Variants in KCNN2 observed in about 807,000 individuals in gnomAD.
KCNN2 encodes the protein small conductance calcium-activated potassium channel protein 2.
In KCNN2, 24 loss-of-function variants were observed where a neutral mutation model predicts 55.5. The observed-to-expected ratio is 0.43, with a 90% CI of 0.31 to 0.61. The LOEUF is 0.61. Ranked by LOEUF, KCNN2 falls within the 20% of genes least tolerant of loss-of-function variation. KCNN2 has a pLI of 0.08. For missense variants in KCNN2, 754 were observed against 853.6 expected (o/e 0.88, Z 1.45); for synonymous variants, 431 against 336.1 (o/e 1.28, Z -3.09).
chr5:114,404,504 A>G lies in KCNN2; in HGVS notation c.1285A>G (p.Ile429Val), dbSNP rs775203798. The G allele has an allele frequency of 6.2e-7, 1 of 1,613,496 alleles. No individual in the cohort carries two copies. Among genetic ancestry groups the G allele is most frequent in the Non-Finnish European group, 8.5e-7 (1 of 1,179,850 alleles). ...CATGACTTATGAGCGTATTTTCTTC[A>G]TCTGCTTGGAAATACTGGTGTGTGC... is the stretch of plus-strand genomic sequence containing the variant. Reference protein sequence around the residue: ...IAMTYERIFFICLEILVCAIH... With the variant: ...IAMTYERIFFVCLEILVCAIH... Residue 429 changes from isoleucine to valine, a missense_variant, in exon 3 of 8, where the codon ATC becomes GTC. This residue lies in a region of KCNN2 where 123 missense variants were observed against 204.9 expected (regional missense o/e 0.60). Coordinates refer to ENST00000673685, the MANE Select transcript of KCNN2 (RefSeq NM_021614.4).
At chr5:114,248,185 A>T (rs1405340348) in intron 2 of KCNN2, among the ~76,000 whole-genome samples, 2 of 152,162 alleles carry the variant, frequency 1.3e-5, no homozygotes, top group African/African-American at 4.8e-5. Context: ...GGAAAGAGGG[A>T]AGTGTATATT....
At chr5:114,249,383 G>A (rs1299994041) in intron 2 of KCNN2, among the ~76,000 whole-genome samples, 1 of 151,320 alleles carries the variant, frequency 6.6e-6, no homozygotes, top group Non-Finnish European at 1.5e-5. Flanking sequence ...CACCTCTCGG[G>A]TTCAAGCCAT....
chr5:114,373,657 T>TATATATATATATATATATAAAA (rs1175218618), intron 2 of KCNN2, among the ~76,000 whole-genome samples: 1 of 117,626 alleles, frequency 8.5e-6, no homozygotes, highest in South Asian at 3.0e-4. Flanking sequence ...TATATATATA[T>TATATATATATATATATATAAAA]AAAATTACTT....
intron 6 of KCNN2, among the ~76,000 whole-genome samples, chr5:114,490,113 C>T (rs763738800): frequency 1.6e-4 from 24 of 152,134 alleles, no homozygotes; most frequent in South Asian, 4.1e-4. Flanking sequence ...TAACTTTTAA[C>T]GCTTTTTCTG....
intron 1 of KCNN2, among the ~76,000 whole-genome samples, chr5:114,163,395 G>T (rs1752837341): frequency 6.6e-6 from 1 of 152,126 alleles, no homozygotes; most frequent in African/African-American, 2.4e-5. Flanking sequence ...TCCAGCTTTT[G>T]TCTATTCAGT....
chr5:114,349,429 A>G (rs1157873394), intron 2 of KCNN2, among the ~76,000 whole-genome samples: 1 of 152,090 alleles, frequency 6.6e-6, no homozygotes, highest in African/African-American at 2.4e-5. Flanking sequence ...TCCATGCACA[A>G]AATTACTTAT....
At chr5:114,302,902 T>G (rs3101078) in intron 2 of KCNN2, among the ~76,000 whole-genome samples, 149,599 of 152,308 alleles carry the variant, frequency 0.98, 73,525 homozygotes, top group Non-Finnish European at 1. Flanking sequence ...AACACAAGCC[T>G]CTATGGAATT....
intron 1 of KCNN2, among the ~76,000 whole-genome samples, chr5:114,206,571 T>C (rs1346170771): frequency 6.6e-6 from 1 of 152,154 alleles, no homozygotes; most frequent in Non-Finnish European, 1.5e-5. Context: ...AATACCTCTT[T>C]TCTCTTCCCA....
At chr5:114,157,149 T>TC (rs893583428) in intron 1 of KCNN2, among the ~76,000 whole-genome samples, 1 of 109,728 alleles carries the variant, frequency 9.1e-6, no homozygotes. Context: ...ATGCTATCCC[T>TC]CCCCCCTCCC....
chr5:114,413,276 T>C (rs1326955267), intron 3 of KCNN2, among the ~76,000 whole-genome samples: 3 of 152,160 alleles, frequency 2.0e-5, no homozygotes, highest in Non-Finnish European at 4.4e-5. Context: ...TTTTGTTTTG[T>C]TTTGTTTTTT....
At chr5:114,244,570 C>A (rs1754714155) in intron 2 of KCNN2, among the ~76,000 whole-genome samples, 1 of 149,482 alleles carries the variant, frequency 6.7e-6, no homozygotes, top group Admixed American at 6.7e-5. Flanking sequence ...GCACTCCAGC[C>A]TGGGCAATAA....
chr5:114,253,210 T>A (rs1754911488), intron 2 of KCNN2, among the ~76,000 whole-genome samples: 1 of 149,254 alleles, frequency 6.7e-6, no homozygotes, highest in African/African-American at 2.5e-5. Context: ...GCAATGGACC[T>A]AGATATTTCT....
chr5:114,210,590 A>G (rs1356934867), intron 1 of KCNN2, among the ~76,000 whole-genome samples: 3 of 152,194 alleles, frequency 2.0e-5, no homozygotes, highest in Non-Finnish European at 4.4e-5. Flanking sequence ...CATTGTGATT[A>G]TATGTGAGTG....
At chr5:114,273,387 G>A (rs561525586) in intron 2 of KCNN2, among the ~76,000 whole-genome samples, 2 of 152,206 alleles carry the variant, frequency 1.3e-5, no homozygotes, top group South Asian at 4.2e-4. Context: ...GCCCAGTAAT[G>A]GGATTACTGG....
chr5:114,215,116 A>T (rs1753975106), intron 1 of KCNN2, among the ~76,000 whole-genome samples: 1 of 152,144 alleles, frequency 6.6e-6, no homozygotes, highest in Admixed American at 6.6e-5. Context: ...AATAGGCTTA[A>T]TGAAATATTT....
In KCNN2 at chr5:114,170,271, A is replaced by G. The variant is rs186303760; in HGVS notation, c.-270-51209A>G. Among the ~76,000 whole-genome samples, 13 of 152,232 alleles carry G rather than the reference A, an allele frequency of 8.5e-5. No homozygotes were observed. In the East Asian group the frequency reaches 2.1e-3, roughly 25 times the overall value. ...TCTTACAGAGCAGGTCCAATCATTC[A>G]TTTACCTCACAATATATTTTACAAC... is the stretch of plus-strand genomic sequence containing the variant. On this transcript the variant is annotated intron_variant, in intron 1 of 10. Coordinates refer to the KCNN2 transcript ENST00000512097.
intron 1 of KCNN2, among the ~76,000 whole-genome samples, chr5:114,080,449 A>T (rs1015371921): frequency 6.6e-6 from 1 of 152,102 alleles, no homozygotes. Context: ...AAAGGTTTTT[A>T]TTTATACATT....
intron 2 of KCNN2, among the ~76,000 whole-genome samples, chr5:114,357,068 G>C (rs1162859528): frequency 6.6e-6 from 1 of 152,014 alleles, no homozygotes; most frequent in Non-Finnish European, 1.5e-5. Context: ...TTACTTTGTA[G>C]GTCAAAATTT....
At chr5:114,112,893 A>T (rs182901659) in intron 1 of KCNN2, among the ~76,000 whole-genome samples, 1 of 152,222 alleles carries the variant, frequency 6.6e-6, no homozygotes. Flanking sequence ...CTCTCAGTTC[A>T]GAGAATATAA....
Sources: allele counts gnomAD v4.1 joint callset (sites outside exome capture counted in the v4.1 genomes callset), GRCh38; gene constraint gnomAD v4.1.1; regional missense constraint gnomAD v4.1.1; transcripts MANE v1.5; gene names NCBI Gene and HGNC (gene_info 2026-07-23, HGNC 2026-07-21).